The following SLMAP variants were observed in gnomAD, a reference collection of about 807,000 sequenced individuals.
SLMAP encodes sarcolemmal membrane-associated protein.
A neutral mutation model predicts 128.8 loss-of-function variants in SLMAP; 44 were observed. The observed-to-expected ratio is 0.34, with a 90% CI of 0.27 to 0.44. The LOEUF is 0.44. SLMAP is among the 20% of genes least tolerant of loss of function. SLMAP has a pLI of 1.00. For missense variants in SLMAP, 787 were observed against 985.3 expected, an observed-to-expected ratio of 0.80 and a Z score of 2.69; for synonymous variants, 327 against 348.8, an observed-to-expected ratio of 0.94 and a Z score of 0.70.
At chr3:57,842,515 A>C (rs749608746) in intron 4 of SLMAP, among the ~76,000 whole-genome samples, 3 of 152,186 alleles carry the variant, frequency 2.0e-5, no homozygotes, top group Non-Finnish European at 4.4e-5. Context: ...AGTAACTATT[A>C]ATCAACTAAT....
At chr3:57,759,478 T>C (rs1007498732) in intron 2 of SLMAP, among the ~76,000 whole-genome samples, 2 of 152,192 alleles carry the variant, frequency 1.3e-5, no homozygotes, top group African/African-American at 4.8e-5. Flanking sequence ...GGTTTCACCA[T>C]GTTGGCCAGG....
At chr3:57,784,640 G>A (rs899410989) in intron 2 of SLMAP, among the ~76,000 whole-genome samples, 2 of 152,198 alleles carry the variant, frequency 1.3e-5, no homozygotes, top group Non-Finnish European at 2.9e-5. Flanking sequence ...ATTGGAATGA[G>A]TTAAGACTTT....
At chr3:57,910,854 G>A (rs1422775359) in intron 19 of SLMAP, among the ~76,000 whole-genome samples, 2 of 152,200 alleles carry the variant, frequency 1.3e-5, no homozygotes, top group Non-Finnish European at 2.9e-5. Flanking sequence ...AGAGAAGGGA[G>A]AGTCATTGTA....
At chr3:57,927,261 A>T (rs2097026958) in intron 24 of SLMAP, 35 bp from the exon 25 acceptor site, 1 of 1,394,074 alleles carries the variant, frequency 7.2e-7, no homozygotes, top group South Asian at 1.2e-5. Context: ...GAGAGGGGAG[A>T]ATGTGATATT....
chr3:57,765,945 A>G lies in SLMAP; in HGVS notation c.198+8096A>G, dbSNP rs2079579399. 2.7e-5 allele frequency among the ~76,000 whole-genome samples: 4 copies of G among 148,400 alleles called. No homozygotes were observed. In the South Asian group the frequency reaches 8.4e-4, roughly 31 times the overall value. On this transcript the variant is annotated intron_variant, in intron 2 of 24. Coordinates refer to ENST00000671191, the MANE Select transcript of SLMAP (RefSeq NM_001377540.1). Reference sequence around the variant, plus strand: ...TTTTCCCACTTAGTTCTTTGACATTACTCCTTAGGTTAAATTCACTCTTTG... The same window carrying G: ...TTTTCCCACTTAGTTCTTTGACATTGCTCCTTAGGTTAAATTCACTCTTTG...
intron 8 of SLMAP, among the ~76,000 whole-genome samples, chr3:57,859,672 A>G (rs1395257274): frequency 6.6e-6 from 1 of 152,192 alleles, no homozygotes; most frequent in East Asian, 1.9e-4. Context: ...ATGTAAAGGC[A>G]TAAAGAGTGC....
At chr3:57,918,315 T>C (rs898133510) in intron 22 of SLMAP, 1 of 152,240 alleles carries the variant, frequency 6.6e-6, no homozygotes, top group Non-Finnish European at 1.5e-5. Flanking sequence ...TGTATGTTAC[T>C]ATGAACGCAT....
At chr3:57,848,300 C>G (rs2094350414) in intron 5 of SLMAP, among the ~76,000 whole-genome samples, 1 of 149,972 alleles carries the variant, frequency 6.7e-6, no homozygotes, top group African/African-American at 2.5e-5. Flanking sequence ...CTTTCTCCTC[C>G]TCCTTCTCTC....
intron 2 of SLMAP, among the ~76,000 whole-genome samples, chr3:57,765,397 A>T (rs754388421): frequency 2.0e-5 from 3 of 152,140 alleles, no homozygotes. Context: ...CTTAAAAAAA[A>T]ATATGGGGTT....
intron 13 of SLMAP, among the ~76,000 whole-genome samples, chr3:57,868,802 A>G (rs975986361): frequency 3.6e-4 from 8 of 21,978 alleles, no homozygotes; most frequent in Non-Finnish European, 6.1e-4. Context: ...TGGAATATAT[A>G]TATATATATA....
chr3:57,865,319 A>G (rs996721923), intron 13 of SLMAP, 27 bp downstream of exon 13: 18 of 956,512 alleles, frequency 1.9e-5, no homozygotes, highest in Middle Eastern at 6.2e-4. Flanking sequence ...AAATATATAT[A>G]TACTTTTTAT....
At chr3:57,917,287 T>C in intron 22 of SLMAP, 1 of 1,295,056 alleles carries the variant, frequency 7.7e-7, no homozygotes, top group South Asian at 1.6e-5. Flanking sequence ...CTCAAAAATA[T>C]AATATACAAA....
chr3:57,765,793 A>T (rs1456188303), intron 2 of SLMAP, among the ~76,000 whole-genome samples: 1 of 152,220 alleles, frequency 6.6e-6, no homozygotes, highest in East Asian at 1.9e-4. Context: ...AAGCCAGATT[A>T]TATCTTTAAA....
chr3:57,785,266 C>T (rs923394874), intron 2 of SLMAP, among the ~76,000 whole-genome samples: 5 of 151,960 alleles, frequency 3.3e-5, no homozygotes, highest in Non-Finnish European at 7.4e-5. Flanking sequence ...TGCCTTACAC[C>T]CTGAGAGAAT....
chr3:57,889,976 C>A, intron 14 of SLMAP, 65 bp from the exon 15 acceptor site: 1 of 1,138,656 alleles, frequency 8.8e-7, no homozygotes, highest in Non-Finnish European at 1.3e-6. Context: ...ATGTGTTACA[C>A]TGCCCAGCTC....
chr3:57,761,373 C>A (rs887147578), intron 2 of SLMAP, among the ~76,000 whole-genome samples: 2 of 152,052 alleles, frequency 1.3e-5, no homozygotes, highest in Non-Finnish European at 2.9e-5. Context: ...CAGCTCACTG[C>A]AACCTATACC....
At position 57,848,245 on chromosome 3, in the gene SLMAP, CCTT is replaced by C. The variant is rs1285921139; in HGVS notation, c.456+1018_456+1020del. ...CTTTTCCTCCTTCTTGGTTTTTTCTCCTTCTTCTCCTCCTCCTCCTCCTCTTAC... is the reference window on the plus strand; with the variant it reads ...CTTTTCCTCCTTCTTGGTTTTTTCTCCTTCTCCTCCTCCTCCTCCTCTTAC... On this transcript the variant is annotated intron_variant, in intron 5 of 24. Coordinates refer to ENST00000671191, the MANE Select transcript of SLMAP (RefSeq NM_001377540.1). Among the ~76,000 whole-genome samples the C allele has an allele frequency of 3.3e-5, 5 of 149,772 alleles. No individual in the cohort carries two copies. In the East Asian group the frequency reaches 1.0e-3, roughly 30 times the overall value.
At chr3:57,767,513 A>C (rs142036084) in intron 2 of SLMAP, among the ~76,000 whole-genome samples, 3 of 152,216 alleles carry the variant, frequency 2.0e-5, no homozygotes, top group Admixed American at 6.5e-5. Flanking sequence ...CATTTTGCTA[A>C]GTGTTTTTGG....
At chr3:57,781,729 A>ATT (rs748021832) in intron 2 of SLMAP, among the ~76,000 whole-genome samples, 49,620 of 109,064 alleles carry the variant, frequency 0.45, 12,896 homozygotes, top group East Asian at 0.93. Context: ...ATATTGACTG[A>ATT]TTTTTTTTTT....
Sources: allele counts gnomAD v4.1 joint callset (sites outside exome capture counted in the v4.1 genomes callset), GRCh38; gene constraint gnomAD v4.1.1; transcripts MANE v1.5; gene names NCBI Gene and HGNC (gene_info 2026-07-23, HGNC 2026-07-21).